The following ALDH3A1 variants were observed in gnomAD, a reference collection of about 807,000 sequenced individuals.
ALDH3A1 encodes the protein aldehyde dehydrogenase, dimeric NADP-preferring.
In ALDH3A1, 46 loss-of-function variants were observed where a neutral mutation model predicts 49.9. The ratio of observed to expected loss-of-function variants is 0.92; its 90% CI spans 0.73 to 1.18. ALDH3A1 has a LOEUF of 1.18. Ranked by LOEUF, ALDH3A1 falls within the 50% of genes most tolerant of loss-of-function variation. ALDH3A1 has a pLI of 0.00. For synonymous variants in ALDH3A1, 269 were observed against 253.3 expected (o/e 1.06, Z -0.59); for missense variants, 592 against 611.8 (o/e 0.97, Z 0.34).
Position 19,748,151 on chromosome 17 carries a change from G to C in ALDH3A1, c.-6+108C>G, listed in dbSNP as rs1306976921. ...CAGAGATGATGGTCCCAGAGGCAGG[G>C]ACCCCCTGGAGAGATGATGTAGGAC... On this transcript the variant is annotated intron_variant, in intron 1 of 10. Coordinates refer to ENST00000225740, the MANE Select transcript of ALDH3A1 (RefSeq NM_000691.5). This position sits in a 1 kb window ranked among gnomAD's most constrained non-coding sequence, Gnocchi z 4.4. 3 of 330,946 alleles carry C rather than the reference G, an allele frequency of 9.1e-6. No individual in the cohort carries two copies. The highest frequency in any genetic ancestry group is 6.4e-5 in the African/African-American group (3 of 46,528). 20.5% of individuals were successfully genotyped at this position (330,946 alleles called of 1,614,324 possible).
Position 19,740,335 on chromosome 17 carries a change from C to G in ALDH3A1, c.949+1G>C, listed in dbSNP as rs754303931. On this transcript the variant is annotated splice_donor_variant, in intron 7 of 10. Transcript: ENST00000225740. LOFTEE classifies it high-confidence loss of function. ...GGCTGTGCTCTTCAGGGGTCACGCA[C>G]CTATGTAGCGAGTGGCGGCATCCCC... 1.2e-5 allele frequency: 20 copies of G among 1,613,870 alleles called. No individual in the cohort carries two copies. In the Middle Eastern group the frequency reaches 4.9e-4, roughly 40 times the overall value.
chr17:19,742,353 C>T, intron 4 of ALDH3A1, 141 bp from the exon 5 acceptor site: 1 of 1,118,112 alleles, frequency 8.9e-7, no homozygotes, highest in South Asian at 1.5e-5. Flanking sequence ...CAGTAACTGG[C>T]AGTAGACCGC....
At chr17:19,740,036 C>T (rs568724873) in intron 7 of ALDH3A1, 5 of 460,774 alleles carry the variant, frequency 1.1e-5, no homozygotes, top group Admixed American at 3.7e-5. Context: ...GGGCCCCTCA[C>T]GGCTGGGCAC....
intron 2 of ALDH3A1, chr17:19,744,406 T>C (rs2086559832): frequency 1.0e-6 from 1 of 978,670 alleles, no homozygotes; most frequent in Admixed American, 6.2e-5. Context: ...CTGTCTCAAA[T>C]AAATAAATAA....
At position 19,741,037 on chromosome 17, in the gene ALDH3A1, G is replaced by A; in HGVS notation, c.807+56C>T. The A allele has an allele frequency of 2.2e-6, 3 of 1,350,020 alleles. No individual in the cohort carries two copies. In the South Asian group the frequency reaches 3.5e-5, roughly 16 times the overall value. 83.6% of individuals were successfully genotyped at this position (1,350,020 alleles called of 1,614,324 possible). A position where few individuals can be genotyped will look rare whatever the true frequency, so the allele number is the denominator to read the frequency against. On this transcript the variant is annotated intron_variant, in intron 6 of 10. Coordinates refer to ENST00000225740, the MANE Select transcript of ALDH3A1 (RefSeq NM_000691.5). ...CTGTAGAAGTTGGTTAAGGGGCCAG[G>A]CCCCCCTTGTGCCTTACAGCCTCTC...
rs1398958424 is a variant in ALDH3A1, at chr17:19,739,073, T to C, written c.1139A>G (p.Glu380Gly). The C allele has an allele frequency of 1.9e-6, 3 of 1,613,678 alleles. No individual in the cohort carries two copies. The highest frequency in any genetic ancestry group is 2.5e-6 in the Non-Finnish European group (3 of 1,179,984). The change falls in exon 9 of 11, where the codon GAG becomes GGG. Residue 380 changes from glutamate to glycine, a missense_variant. Physicochemically the swap from Glu to Gly is moderately conservative, Grantham distance 98. Coordinates refer to ENST00000225740, the MANE Select transcript of ALDH3A1 (RefSeq NM_000691.5). ...GGCCGCCACCCCACCACTGGATGTC[T>C]CTGCAATCATCTTCTTAATCACCTG... ...NDKVIKKMIA[E>G]TSSGGVAAND...
chr17:19,744,589 G>T (rs182086116), intron 2 of ALDH3A1: 2 of 985,282 alleles, frequency 2.0e-6, no homozygotes, highest in African/African-American at 3.5e-5. Flanking sequence ...TGGGAGGGAG[G>T]GGAGAGCCCC....
chr17:19,738,070 G>T lies in ALDH3A1; in HGVS notation c.*151C>A. 1 of 1,563,932 alleles carries T rather than the reference G, an allele frequency of 6.4e-7. No individual in the cohort carries two copies. Among genetic ancestry groups the T allele is most frequent in the East Asian group, 2.3e-5 (1 of 42,656 alleles). On this transcript the variant is annotated 3_prime_UTR_variant, in exon 11 of 11. Transcript: ENST00000225740. ...AATGGTGAGGCCTGGGCCCATGTGG[G>T]AGTGGGGTGTGCACAGGTCAGCAGG...
chr17:19,742,829 C>T (rs940039615), intron 3 of ALDH3A1, 199 bp from the exon 4 acceptor site: 26 of 1,533,618 alleles, frequency 1.7e-5, no homozygotes, highest in Non-Finnish European at 2.1e-5. Flanking sequence ...CACACGGGCA[C>T]ACGCTGGCCA....
At chr17:19,739,728 G>T in intron 7 of ALDH3A1, 54 bp from the exon 8 acceptor site, 1 of 1,589,040 alleles carries the variant, frequency 6.3e-7, no homozygotes, top group Non-Finnish European at 8.6e-7. Flanking sequence ...CACGCGGATG[G>T]AAAGTGCAAG....
At position 19,741,195 on chromosome 17, in the gene ALDH3A1, C is replaced by T. The variant is rs1409687952; in HGVS notation, c.705G>A (p.Gly235=). 1.2e-6 allele frequency: 2 copies of T among 1,613,606 alleles called. No homozygotes were observed. Among genetic ancestry groups the T allele is most frequent in the African/African-American group, 2.7e-5 (2 of 75,042 alleles). Residue 235 remains glycine (G), a synonymous_variant, in exon 6 of 11, where the codon GGG becomes GGA. Transcript: ENST00000225740. ...LDVACRRIAW[G]KFMNSGQTCV... Reference sequence around the variant, plus strand: ...AGGTCTGGCCACTGTTCATGAATTTCCCCCAGGCGATGCGTCTGTGAGAAT... The same window carrying T: ...AGGTCTGGCCACTGTTCATGAATTTTCCCCAGGCGATGCGTCTGTGAGAAT...
intron 9 of ALDH3A1, 85 bp from the exon 10 acceptor site, chr17:19,738,538 C>T: frequency 1.3e-6 from 2 of 1,551,666 alleles, no homozygotes; most frequent in African/African-American, 1.4e-5. Context: ...GGGTGTATCC[C>T]AGAACCACAG....
At chr17:19,744,901 G>GCCGCCCCCC in intron 2 of ALDH3A1, 67 bp downstream of exon 2, 4 of 434,630 alleles carry the variant, frequency 9.2e-6, no homozygotes, top group African/African-American at 6.7e-5. Flanking sequence ...ACTCTCCCCA[G>GCCGCCCCCC]CCCCTCCCCC....
Position 19,741,126 on chromosome 17 carries a change from G to A in ALDH3A1, c.774C>T (p.Asn258=), listed in dbSNP as rs574046532. The change falls in exon 6 of 11, where the codon AAC becomes AAT. Residue 258 remains asparagine (N), a synonymous_variant. Coordinates refer to ENST00000225740, the MANE Select transcript of ALDH3A1 (RefSeq NM_000691.5). ...DYILCDPSIQ[N]QIVEKLKKSL... ...ACTTCTTGAGCTTCTCCACAATTTG[G>A]TTCTGGATCGAGGGGTCACAGAGGA... The A allele has an allele frequency of 3.1e-6, 5 of 1,614,114 alleles. No individual in the cohort carries two copies. In the South Asian group the frequency reaches 4.4e-5, roughly 14 times the overall value.
chr17:19,743,651 G>A lies in ALDH3A1; in HGVS notation c.163-188C>T, dbSNP rs2086544828. The A allele has an allele frequency of 7.1e-6, 7 of 985,244 alleles. No homozygotes were observed. In the South Asian group the frequency reaches 3.3e-4, roughly 46 times the overall value. The allele number at this position is 985,244 out of a possible 1,614,324, so 61.0% of individuals were successfully genotyped here. On this transcript the variant is annotated intron_variant, in intron 2 of 10. Transcript: ENST00000225740. The surrounding 1 kb of genome is among the most constrained non-coding windows in gnomAD (Gnocchi z 4.4). Reference sequence around the variant, plus strand: ...AGCCGTTGGACCTGTGGGTCTGAGAGGACCCCTTTCTGCCAGAGGGGGGCC... The same window carrying A: ...AGCCGTTGGACCTGTGGGTCTGAGAAGACCCCTTTCTGCCAGAGGGGGGCC...
intron 5 of ALDH3A1, 161 bp from the exon 6 acceptor site, chr17:19,741,371 G>A (rs2086489229): frequency 1.7e-6 from 1 of 599,082 alleles, no homozygotes; most frequent in Non-Finnish European, 3.0e-6. Flanking sequence ...ACTGGACCGA[G>A]CAGACCCAAT....
intron 5 of ALDH3A1, among the ~76,000 whole-genome samples, chr17:19,741,690 T>C (rs2086495350): frequency 6.6e-6 from 1 of 152,132 alleles, no homozygotes; most frequent in Non-Finnish European, 1.5e-5. Flanking sequence ...GTACAGTTCC[T>C]TGTGTCCTGA....
At position 19,742,060 on chromosome 17, in the gene ALDH3A1, C is replaced by T. The variant is rs1356569241; in HGVS notation, c.633G>A (p.Leu211=). Residue 211 remains leucine (L), a synonymous_variant, in exon 5 of 11, where the codon CTG becomes CTA. Transcript: ENST00000225740. Reference sequence around the variant, plus strand: ...CCACGTAGCAGGGACTCTTCCCTCCCAGCTCCAGCGTGACAGGGGTCAGGT... The same window carrying T: ...CCACGTAGCAGGGACTCTTCCCTCCTAGCTCCAGCGTGACAGGGGTCAGGT... ...AKHLTPVTLE[L]GGKSPCYVDK... is the part of the protein sequence containing the mutation. The T allele has an allele frequency of 3.1e-6, 5 of 1,614,040 alleles. No individual in the cohort carries two copies. The highest frequency in any genetic ancestry group is 4.2e-6 in the Non-Finnish European group (5 of 1,180,034).
rs2086546048 is a variant in ALDH3A1, at chr17:19,743,697, G to A, written c.163-234C>T. 1.0e-6 allele frequency: 1 copy of A among 985,368 alleles called. No individual in the cohort carries two copies. The highest frequency in any genetic ancestry group is 4.7e-5 in the South Asian group (1 of 21,282). 61.0% of individuals were successfully genotyped at this position (985,368 alleles called of 1,614,324 possible). On this transcript the variant is annotated intron_variant, in intron 2 of 10. Coordinates refer to ENST00000225740, the MANE Select transcript of ALDH3A1 (RefSeq NM_000691.5). This position sits in a 1 kb window ranked among gnomAD's most constrained non-coding sequence, Gnocchi z 4.4. ...GGGCCCAGGTAGGTTTGCGGCCCCAGGGGAGAGAGCCGGTGAAGGGACCAG... is the reference window on the plus strand; with the variant it reads ...GGGCCCAGGTAGGTTTGCGGCCCCAAGGGAGAGAGCCGGTGAAGGGACCAG...
Sources: allele counts gnomAD v4.1 joint callset (sites outside exome capture counted in the v4.1 genomes callset), GRCh38; gene constraint gnomAD v4.1.1; non-coding constraint Gnocchi (gnomAD v3.1); transcripts MANE v1.5; gene names NCBI Gene and HGNC (gene_info 2026-07-23, HGNC 2026-07-21).